PHC3: variants seen among roughly 807,000 people sequenced by gnomAD.
PHC3 encodes polyhomeotic-like protein 3.
A neutral mutation model predicts 107.4 loss-of-function variants in PHC3; 13 were observed. That is an observed-to-expected ratio of 0.12 (90% CI 0.08 to 0.19). The LOEUF (loss-of-function observed/expected upper bound fraction) is 0.19, where lower values mean the gene tolerates loss of function less well. Among genes scored for constraint, PHC3 ranks in the 10% least tolerant of loss-of-function variants. The pLI is 1.00. For synonymous variants in PHC3, 456 were observed against 427.4 expected, an observed-to-expected ratio of 1.07 and a Z score of -0.83; for missense variants, 992 against 1,210.9, an observed-to-expected ratio of 0.82 and a Z score of 2.68.
intron 4 of PHC3, chr3:170,170,744 A>T (rs968038167): frequency 2.6e-5 from 4 of 152,144 alleles, no homozygotes; most frequent in African/African-American, 7.2e-5. Context: ...AGATACAGAA[A>T]TTTTTTTATT....
intron 4 of PHC3, among the ~76,000 whole-genome samples, chr3:170,163,734 G>A (rs1450648487): frequency 4.0e-5 from 6 of 151,498 alleles, no homozygotes; most frequent in African/African-American, 1.5e-4. Flanking sequence ...ATGGTGGTGG[G>A]CGCCTGTAAT....
Position 170,122,691 on chromosome 3 carries a change from T to C in PHC3, c.1842A>G (p.Glu614=), listed in dbSNP as rs1246744414. 6.2e-7 allele frequency: 1 copy of C among 1,614,006 alleles called. No homozygotes were observed. The highest frequency in any genetic ancestry group is 1.7e-5 in the Admixed American group (1 of 60,014). ...GTGGGGTTCTATCCATCCGGACACA[T>C]TCATCTGACTCTTCTGGCATTTCTT... ...CEEEMPEESD[E]CVRMDRTPPP... The change falls in exon 9 of 15, where the codon GAA becomes GAG. Residue 614 remains glutamate, a synonymous_variant. Coordinates refer to ENST00000495893, the MANE Select transcript of PHC3 (RefSeq NM_024947.4).
At chr3:170,105,986 C>A (rs2108291501) in intron 12 of PHC3, among the ~76,000 whole-genome samples, 1 of 152,252 alleles carries the variant, frequency 6.6e-6, no homozygotes, top group East Asian at 1.9e-4. Flanking sequence ...CCAAGGCGGG[C>A]AGATCACCTG....
intron 4 of PHC3, among the ~76,000 whole-genome samples, chr3:170,149,457 A>AT (rs1338197792): frequency 1.1e-3 from 154 of 145,688 alleles, no homozygotes; most frequent in East Asian, 8.9e-3. Context: ...AATCAGGGCA[A>AT]TTTTTTTTTT....
intron 9 of PHC3, among the ~76,000 whole-genome samples, chr3:170,122,296 TTAA>T (rs1473766911): frequency 1.3e-5 from 2 of 151,934 alleles, no homozygotes; most frequent in African/African-American, 2.4e-5. Flanking sequence ...ACAAATTCGT[TTAA>T]TATTATCTCT....
At chr3:170,148,948 G>A (rs1725451448) in intron 5 of PHC3, 138 bp downstream of exon 5, 1 of 759,886 alleles carries the variant, frequency 1.3e-6, no homozygotes, top group East Asian at 2.7e-5. Flanking sequence ...TACAAGAGCT[G>A]AAGGCACGCC....
chr3:170,113,662 T>G, intron 10 of PHC3, 143 bp from the exon 11 acceptor site: 1 of 720,644 alleles, frequency 1.4e-6, no homozygotes. Context: ...AAGTGCCTTA[T>G]TCCTTGGGAA....
intron 8 of PHC3, among the ~76,000 whole-genome samples, chr3:170,124,200 T>C (rs757128050): frequency 5.3e-5 from 8 of 152,158 alleles, no homozygotes; most frequent in Non-Finnish European, 1.2e-4. Flanking sequence ...GAGGTTGACA[T>C]GGGTATTTTA....
At chr3:170,119,165 C>T (rs940162661) in intron 9 of PHC3, among the ~76,000 whole-genome samples, 3 of 151,944 alleles carry the variant, frequency 2.0e-5, no homozygotes, top group African/African-American at 7.3e-5. Context: ...CACAAAAATC[C>T]TATCTCACAT....
At chr3:170,124,505 G>A (rs755988549) in intron 8 of PHC3, among the ~76,000 whole-genome samples, 6 of 152,092 alleles carry the variant, frequency 3.9e-5, no homozygotes, top group Non-Finnish European at 8.8e-5. Context: ...TGGGACCACA[G>A]GTGTTCACTA....
intron 11 of PHC3, among the ~76,000 whole-genome samples, chr3:170,108,194 C>G (rs918419403): frequency 7.2e-4 from 110 of 152,152 alleles, no homozygotes; most frequent in African/African-American, 2.4e-3. Flanking sequence ...AAGCATTTTA[C>G]TAACTAAAGC....
intron 4 of PHC3, among the ~76,000 whole-genome samples, chr3:170,165,259 G>T (rs1225167910): frequency 6.6e-6 from 1 of 152,116 alleles, no homozygotes; most frequent in African/African-American, 2.4e-5. Context: ...CCCTCATATT[G>T]CATTAAGGCA....
chr3:170,172,519 A>T, intron 3 of PHC3, 38 bp downstream of exon 3: 2 of 1,594,150 alleles, frequency 1.3e-6, no homozygotes, highest in South Asian at 1.1e-5. Flanking sequence ...TACAGATAAC[A>T]GAAACTTTGA....
chr3:170,174,680 A>C (rs1345076575), intron 2 of PHC3, among the ~76,000 whole-genome samples: 1 of 152,148 alleles, frequency 6.6e-6, no homozygotes, highest in Non-Finnish European at 1.5e-5. Flanking sequence ...TCTAAACTTC[A>C]AGACAGCATA....
Position 170,171,187 on chromosome 3 carries a change from C to CA in PHC3, c.414+185dup, listed in dbSNP as rs202060837. 4.3e-3 allele frequency: 2,461 copies of CA among 568,650 alleles called. 54 individuals are homozygous for CA. Among genetic ancestry groups the CA allele is most frequent in the African/African-American group, 0.042 (2,186 of 51,754 alleles). The allele number at this position is 568,650 out of a possible 1,614,324, so 35.2% of individuals were successfully genotyped here. A position where few individuals can be genotyped will look rare whatever the true frequency, so the allele number is the denominator to read the frequency against. On this transcript the variant is annotated intron_variant, in intron 4 of 14. Coordinates refer to ENST00000495893, the MANE Select transcript of PHC3 (RefSeq NM_024947.4). ...AATACAAAAAGATTTTTTTAAGACT[C>CA]AGATTTTCATAAGTTTAACATTAGT...
intron 14 of PHC3, among the ~76,000 whole-genome samples, chr3:170,099,846 T>C (rs938987884): frequency 3.9e-5 from 6 of 152,188 alleles, no homozygotes; most frequent in African/African-American, 1.4e-4. Context: ...TGATTCCTAG[T>C]TTATATGCCT....
intron 7 of PHC3, among the ~76,000 whole-genome samples, chr3:170,130,996 A>C (rs1369428229): frequency 6.6e-6 from 1 of 152,160 alleles, no homozygotes; most frequent in Non-Finnish European, 1.5e-5. Flanking sequence ...CATTTGTGAC[A>C]ACTTTATAAA....
chr3:170,143,171 C>T (rs1006352443), intron 6 of PHC3, among the ~76,000 whole-genome samples: 2 of 152,070 alleles, frequency 1.3e-5, no homozygotes, highest in Non-Finnish European at 2.9e-5. Context: ...GAGTGAGACC[C>T]TATCTCAAAA....
intron 1 of PHC3, among the ~76,000 whole-genome samples, chr3:170,181,418 A>C (rs954065776): frequency 6.6e-6 from 1 of 152,126 alleles, no homozygotes; most frequent in Non-Finnish European, 1.5e-5. Context: ...TTCCCCGGAA[A>C]ACCCCAGCTC....
Sources: gnomAD v4.1 joint callset for allele counts (sites outside exome capture counted in the v4.1 genomes callset) on GRCh38, gnomAD v4.1.1 for gene constraint, MANE v1.5 for transcripts, NCBI Gene and HGNC (gene_info 2026-07-23, HGNC 2026-07-21) for gene names.